CEP19: variants seen among roughly 807,000 people sequenced by gnomAD.
CEP19 encodes the protein centrosomal protein 19.
A neutral mutation model predicts 17.5 loss-of-function variants in CEP19; 14 were observed. That is an observed-to-expected ratio of 0.80 (90% confidence interval 0.53 to 1.25). CEP19 has a LOEUF of 1.25. CEP19 is among the 50% of genes most tolerant of loss of function. The pLI is 0.00. For missense variants in CEP19, 193 were observed against 192.0 expected (o/e 1.01, Z -0.03); for synonymous variants, 59 against 65.5 (o/e 0.90, Z 0.48).
chr3:196,708,360 T>C (rs1711601526), intron 2 of CEP19, among the ~76,000 whole-genome samples, 168 bp downstream of exon 2: 1 of 152,120 alleles, frequency 6.6e-6, no homozygotes, highest in African/African-American at 2.4e-5. Flanking sequence ...TTATTAATTA[T>C]CAGATTGGAA....
chr3:196,709,762 C>G (rs573464202), intron 1 of CEP19, among the ~76,000 whole-genome samples: 2 of 152,318 alleles, frequency 1.3e-5, no homozygotes, highest in Admixed American at 6.5e-5. Flanking sequence ...TTTCCCCACC[C>G]TCAGTGCCCA....
rs752995208 is a variant in CEP19 at position 196,707,892 on chromosome 3, G to C, written c.151C>G (p.Gln51Glu). Residue 51 changes from glutamine (Q) to glutamate (E), a missense_variant, in exon 3 of 3, where the codon CAA (glutamine) becomes GAA (glutamate). Transcript: ENST00000409690. ...KFSDCTRAAE[Q>E]LKNNPRHKSY... Reference sequence around the variant, plus strand: ...TTGTGTCGCGGATTATTCTTTAATTGTTCAGCAGCTCTGGTGCAATCTGGG... The same window carrying C: ...TTGTGTCGCGGATTATTCTTTAATTCTTCAGCAGCTCTGGTGCAATCTGGG... The C allele has an allele frequency of 4.3e-6, 7 of 1,611,208 alleles. No homozygotes were observed. In the East Asian group the frequency reaches 1.3e-4, roughly 31 times the overall value.
Position 196,707,430 on chromosome 3 carries a change from G to A in CEP19, c.*121C>T, listed in dbSNP as rs921456962. On this transcript the variant is annotated 3_prime_UTR_variant, in exon 3 of 3. Transcript: ENST00000409690. ...GCTTTAAATGTCCTGGTTTTGAAAA[G>A]TAACATGGTCAATCCCCTATAACCC... The A allele has an allele frequency of 9.0e-7, 1 of 1,110,170 alleles. No homozygotes were observed. The highest frequency in any genetic ancestry group is 1.3e-6 in the Non-Finnish European group (1 of 780,912). The allele number at this position is 1,110,170 out of a possible 1,614,324, so 68.8% of individuals were successfully genotyped here. A position where few individuals can be genotyped will look rare whatever the true frequency, so the allele number is the denominator to read the frequency against.
At position 196,707,631 on chromosome 3, in the gene CEP19, A is replaced by C; in HGVS notation, c.412T>G (p.Tyr138Asp). 1 of 1,614,038 alleles carries C rather than the reference A, an allele frequency of 6.2e-7. No individual in the cohort carries two copies. ...TGTGGAAATTCAACCTCAATGTCAT[A>C]AACAAAATTTGGATCATCCTTCTTC... ...QKKKDDPNFV[Y>D]DIEVEFPQDD... is the part of the protein sequence containing the mutation. Residue 138 changes from tyrosine to aspartate, a missense_variant, in exon 3 of 3, where the codon TAT (tyrosine) becomes GAT (aspartate). Tyr to Asp is a radical substitution (Grantham distance 160). Transcript: ENST00000409690.
chr3:196,706,545 T>C lies in CEP19; in HGVS notation c.*1006A>G, dbSNP rs1041678462. On this transcript the variant is annotated 3_prime_UTR_variant, in exon 3 of 3. Transcript: ENST00000409690. The stretch of plus-strand genomic sequence containing the variant: ...CGTTTCGCAATGTCTTTAGTATGTA[T>C]TTCCCGATACCGGAGGGGCAGAATT... 2.6e-5 allele frequency: 4 copies of C among 152,160 alleles called. No individual in the cohort carries two copies. The highest frequency in any genetic ancestry group is 2.1e-4 in the South Asian group (1 of 4,832). 9.4% of individuals were successfully genotyped at this position (152,160 alleles called of 1,614,324 possible).
At position 196,711,909 on chromosome 3, in the gene CEP19, T is replaced by G. The variant is rs944700016; in HGVS notation, c.-71+20A>C. The G allele has an allele frequency of 2.8e-6, 2 of 717,340 alleles. No individual in the cohort carries two copies. Among genetic ancestry groups the G allele is most frequent in the Non-Finnish European group, 5.2e-6 (2 of 385,068 alleles). 44.4% of individuals were successfully genotyped at this position (717,340 alleles called of 1,614,324 possible). ...CTCTCCCTACTCACGTCTCCACTAG[T>G]GCAAGGCTGGCTTTCTTACCCTTAG... On this transcript the variant is annotated intron_variant, in intron 1 of 2. Transcript: ENST00000409690.
Position 196,707,810 on chromosome 3 carries a change from C to G in CEP19, c.233G>C (p.Arg78Pro), listed in dbSNP as rs201883289. 17 of 1,614,150 alleles carry G rather than the reference C, an allele frequency of 1.1e-5. No homozygotes were observed. Among genetic ancestry groups the G allele is most frequent in the Non-Finnish European group, 1.3e-5 (15 of 1,180,036 alleles). The change falls in exon 3 of 3, where the codon CGA becomes CCA. Residue 78 changes from arginine (R) to proline (P), a missense_variant. By Grantham distance (103) the Arg-to-Pro change is moderately radical (BLOSUM62 -2). Transcript: ENST00000409690. The stretch of plus-strand genomic sequence containing the variant: ...CAGACTCTGCCCCGACAAGTAACCT[C>G]GTAAAAAACTGAATAGCTTCTCTAG... ...RQLEKLFSFL[R>P]GYLSGQSLAE...
intron 1 of CEP19, 181 bp from the exon 2 acceptor site, chr3:196,708,908 C>CAT: frequency 2.1e-6 from 1 of 469,400 alleles, no homozygotes; most frequent in Non-Finnish European, 3.8e-6. Flanking sequence ...GCGCAGGGGC[C>CAT]ATGCTGATCC....
At position 196,707,359 on chromosome 3, in the gene CEP19, CT is replaced by C. The variant is rs1711559248; in HGVS notation, c.*191del. 2.9e-5 allele frequency: 18 copies of C among 631,388 alleles called. No homozygotes were observed. The East Asian group carries it at 5.1e-4, about 18-fold the overall frequency. 39.1% of individuals were successfully genotyped at this position (631,388 alleles called of 1,614,324 possible). On this transcript the variant is annotated 3_prime_UTR_variant, in exon 3 of 3. Coordinates refer to ENST00000409690, the MANE Select transcript of CEP19 (RefSeq NM_032898.5). ...TTGTAAGCTCCTTAAAGGCAGATTC[CT>C]TTATTCTGTTTTTCCCATACTCCTC...
At chr3:196,711,795 C>G (rs1400803070) in intron 1 of CEP19, 134 bp downstream of exon 1, 1 of 669,482 alleles carries the variant, frequency 1.5e-6, no homozygotes, top group Non-Finnish European at 2.8e-6. Flanking sequence ...ACGAATACTC[C>G]TCTCCCCAGA....
chr3:196,707,962 A>G (rs879069110), intron 2 of CEP19, 50 bp from the exon 3 acceptor site: 1 of 1,552,750 alleles, frequency 6.4e-7, no homozygotes, highest in Non-Finnish European at 8.6e-7. Flanking sequence ...CGTACATCAT[A>G]TACGCCATAA....
At position 196,707,093 on chromosome 3, in the gene CEP19, C is replaced by T. The variant is rs150165990; in HGVS notation, c.*458G>A. 100 of 146,928 alleles carry T rather than the reference C, an allele frequency of 6.8e-4. 2 individuals are homozygous for T. The South Asian group carries it at 0.01, about 15-fold the overall frequency. 9.1% of individuals were successfully genotyped at this position (146,928 alleles called of 1,614,324 possible). On this transcript the variant is annotated 3_prime_UTR_variant, in exon 3 of 3. Transcript: ENST00000409690. ...TCGCCCAGGCTGGAGTACAATGGCGCGATCTCGGCTCACTGCAACCTCAGC... is the reference window on the plus strand; with the variant it reads ...TCGCCCAGGCTGGAGTACAATGGCGTGATCTCGGCTCACTGCAACCTCAGC...
chr3:196,706,872 A>T lies in CEP19; in HGVS notation c.*679T>A. ...GGGCCAGGCCACCTCCTATCTCTTT[A>T]CTAAAGGACAAAGTCTTCCCTTACT... On this transcript the variant is annotated 3_prime_UTR_variant, in exon 3 of 3. Transcript: ENST00000409690. The T allele has an allele frequency of 6.6e-6, 1 of 152,160 alleles. No homozygotes were observed. The highest frequency in any genetic ancestry group is 3.2e-3 in the Middle Eastern group (1 of 316). 9.4% of individuals were successfully genotyped at this position (152,160 alleles called of 1,614,324 possible).
chr3:196,707,939 C>T (rs780434568), intron 2 of CEP19, 27 bp from the exon 3 acceptor site: 5 of 1,591,052 alleles, frequency 3.1e-6, no homozygotes, highest in Admixed American at 1.7e-5. Flanking sequence ...AACTATATAC[C>T]ACATACGTAC....
chr3:196,707,891 T>C lies in CEP19; in HGVS notation c.152A>G (p.Gln51Arg). 1 of 1,611,550 alleles carries C rather than the reference T, an allele frequency of 6.2e-7. No individual in the cohort carries two copies. The highest frequency in any genetic ancestry group is 8.5e-7 in the Non-Finnish European group (1 of 1,179,884). The change falls in exon 3 of 3, where the codon CAA becomes CGA. Residue 51 changes from glutamine to arginine, a missense_variant. Physicochemically the swap from Gln to Arg is conservative, Grantham distance 43. Coordinates refer to ENST00000409690, the MANE Select transcript of CEP19 (RefSeq NM_032898.5). ...KFSDCTRAAE[Q>R]LKNNPRHKSY... is the part of the protein sequence containing the mutation. ...CTTGTGTCGCGGATTATTCTTTAAT[T>C]GTTCAGCAGCTCTGGTGCAATCTGG...
At chr3:196,709,450 G>A (rs140395598) in intron 1 of CEP19, among the ~76,000 whole-genome samples, 27 of 152,306 alleles carry the variant, frequency 1.8e-4, no homozygotes, top group African/African-American at 5.8e-4. Context: ...CTGGAACGTA[G>A]TGGGCATTCC....
At chr3:196,711,817 G>A in intron 1 of CEP19, 112 bp downstream of exon 1, 1 of 701,040 alleles carries the variant, frequency 1.4e-6, no homozygotes, top group Non-Finnish European at 2.7e-6. Flanking sequence ...ATCAGTAACT[G>A]CCCACAATCT....
chr3:196,707,624 A>G lies in CEP19; in HGVS notation c.419T>C (p.Ile140Thr), dbSNP rs745837660. ...ATCGTCCTGTGGAAATTCAACCTCA[A>G]TGTCATAAACAAAATTTGGATCATC... ...KKDDPNFVYD[I>T]EVEFPQDDQL... The change falls in exon 3 of 3, where the codon ATT becomes ACT. Residue 140 changes from isoleucine (I) to threonine (T), a missense_variant. Transcript: ENST00000409690. 6.8e-6 allele frequency: 11 copies of G among 1,613,912 alleles called. No homozygotes were observed. Among genetic ancestry groups the G allele is most frequent in the Non-Finnish European group, 8.5e-6 (10 of 1,179,978 alleles).
In CEP19 at chr3:196,707,458, C is replaced by T; in HGVS notation, c.*93G>A. 1 of 1,367,410 alleles carries T rather than the reference C, an allele frequency of 7.3e-7. No homozygotes were observed. The highest frequency in any genetic ancestry group is 9.9e-7 in the Non-Finnish European group (1 of 1,008,780). 84.7% of individuals were successfully genotyped at this position (1,367,410 alleles called of 1,614,324 possible). A position where few individuals can be genotyped will look rare whatever the true frequency, so the allele number is the denominator to read the frequency against. On this transcript the variant is annotated 3_prime_UTR_variant, in exon 3 of 3. Coordinates refer to ENST00000409690, the MANE Select transcript of CEP19 (RefSeq NM_032898.5). ...ACATGGTCAATCCCCTATAACCCAA[C>T]ATATTTAGTATTCTTTACAGCTTCT...
Sources: allele counts gnomAD v4.1 joint callset (sites outside exome capture counted in the v4.1 genomes callset), GRCh38; gene constraint gnomAD v4.1.1; transcripts MANE v1.5; gene names NCBI Gene and HGNC (gene_info 2026-07-23, HGNC 2026-07-21).